RAD51B: variants seen among roughly 807,000 people sequenced by gnomAD.
RAD51B encodes DNA repair protein RAD51 homolog 2.
A neutral mutation model predicts 42.2 loss-of-function variants in RAD51B; 38 were observed. That is an observed-to-expected ratio of 0.90 (90% CI 0.70 to 1.18). RAD51B has a LOEUF of 1.18. Among genes scored for constraint, RAD51B ranks in the 50% most tolerant of loss-of-function variants. The pLI, the probability that RAD51B is intolerant of heterozygous loss-of-function variation, is 0.00. For synonymous variants in RAD51B, 154 were observed against 145.2 expected (o/e 1.06, Z -0.43); for missense variants, 373 against 400.7 (o/e 0.93, Z 0.59).
chr14:67,881,666 C>G (rs2042911327), intron 5 of RAD51B, among the ~76,000 whole-genome samples: 1 of 152,068 alleles, frequency 6.6e-6, no homozygotes, highest in Non-Finnish European at 1.5e-5. Context: ...ATTGTAAGCT[C>G]ATTGTGTTTG....
At chr14:68,582,190 G>A (rs1890237767) in intron 10 of RAD51B, among the ~76,000 whole-genome samples, 1 of 152,168 alleles carries the variant, frequency 6.6e-6, no homozygotes, top group African/African-American at 2.4e-5. Flanking sequence ...CTTCTGCACA[G>A]CAAAAGAAAC....
rs397852024 is a variant in RAD51B, at chr14:68,632,968, CTTTTTTTTTTTTTTTTT to C, written c.1037-17798_1037-17782del. On this transcript the variant is annotated intron_variant, in intron 10 of 11. Coordinates refer to the RAD51B transcript ENST00000488612. ...TTTTTTCTTTTTTCTTTTTCTTTTT[CTTTTTTTTTTTTTTTTT>C]TTTTTTTTTTTTTTGGAGAGAGGGG... is the stretch of plus-strand genomic sequence containing the variant. Among the ~76,000 whole-genome samples, 168 of 59,438 alleles carry C rather than the reference CTTTTTTTTTTTTTTTTT, an allele frequency of 2.8e-3. 1 individual carries two copies. Among genetic ancestry groups the C allele is most frequent in the African/African-American group, 0.012 (159 of 13,774 alleles). 39.0% of individuals were successfully genotyped at this position (59,438 alleles called of 152,430 possible). A position where few individuals can be genotyped will look rare whatever the true frequency, so the allele number is the denominator to read the frequency against.
At chr14:67,934,663 T>C (rs992769472) in intron 7 of RAD51B, among the ~76,000 whole-genome samples, 2 of 152,228 alleles carry the variant, frequency 1.3e-5, no homozygotes, top group African/African-American at 2.4e-5. Context: ...TTTATTTGTT[T>C]CGTATTCTCT....
chr14:68,564,604 C>G (rs1294809774), intron 10 of RAD51B, among the ~76,000 whole-genome samples: 1 of 152,200 alleles, frequency 6.6e-6, no homozygotes, highest in Non-Finnish European at 1.5e-5. Context: ...GACCAGCACC[C>G]ATAGCCTTAA....
chr14:68,624,289 T>A (rs1359912618), intron 10 of RAD51B, among the ~76,000 whole-genome samples: 1 of 152,170 alleles, frequency 6.6e-6, no homozygotes, highest in East Asian at 1.9e-4. Context: ...AACTCATACT[T>A]AGGGGCAAGG....
intron 7 of RAD51B, among the ~76,000 whole-genome samples, chr14:68,004,332 CAAAAAAAAAAA>C (rs767211363): frequency 1.7e-5 from 1 of 57,488 alleles, no homozygotes; most frequent in Non-Finnish European, 4.2e-5. Context: ...GACTCCGTCT[CAAAAAAAAAAA>C]AAAAAAAAAA....
intron 7 of RAD51B, among the ~76,000 whole-genome samples, chr14:68,197,641 A>G (rs922144145): frequency 1.3e-5 from 2 of 152,176 alleles, no homozygotes; most frequent in African/African-American, 2.4e-5. Context: ...TTTGTTCTAC[A>G]GTTTCACTAA....
chr14:68,518,557 C>CA (rs1253804906), intron 10 of RAD51B, among the ~76,000 whole-genome samples: 1 of 148,878 alleles, frequency 6.7e-6, no homozygotes, highest in Non-Finnish European at 1.5e-5. Context: ...CATATGAGCC[C>CA]CCCCCCCAGG....
At chr14:68,579,259 T>A (rs1890105478) in intron 10 of RAD51B, among the ~76,000 whole-genome samples, 1 of 152,122 alleles carries the variant, frequency 6.6e-6, no homozygotes, top group Non-Finnish European at 1.5e-5. Flanking sequence ...ACCAAACTCC[T>A]CTCTCCCTCC....
At chr14:67,992,755 G>GT (rs142718110) in intron 7 of RAD51B, among the ~76,000 whole-genome samples, 36,295 of 149,156 alleles carry the variant, frequency 0.24, 5,092 homozygotes, top group African/African-American at 0.39. Flanking sequence ...AAGGAAAAAT[G>GT]TTTTTTTTTT....
chr14:68,471,295 T>A (rs1193728041), intron 10 of RAD51B, among the ~76,000 whole-genome samples: 3 of 152,014 alleles, frequency 2.0e-5, no homozygotes, highest in Admixed American at 1.3e-4. Flanking sequence ...CAGCTACCCG[T>A]GGGGGTAGGG....
At chr14:68,491,403 T>G (rs567146019) in intron 10 of RAD51B, among the ~76,000 whole-genome samples, 1 of 152,344 alleles carries the variant, frequency 6.6e-6, no homozygotes, top group East Asian at 1.9e-4. Flanking sequence ...ATAACTAGAA[T>G]GTAATAAGAT....
intron 8 of RAD51B, among the ~76,000 whole-genome samples, chr14:68,344,996 T>TCAAA (rs994969568): frequency 6.6e-6 from 1 of 152,052 alleles, no homozygotes; most frequent in Non-Finnish European, 1.5e-5. Context: ...CTTCTGGGTT[T>TCAAA]CAGACCTGCA....
At position 68,276,280 on chromosome 14, in the gene RAD51B, G is replaced by A. The variant is rs181244692; in HGVS notation, c.757-15604G>A. Among the ~76,000 whole-genome samples the A allele has an allele frequency of 3.0e-4, 45 of 152,130 alleles. No homozygotes were observed. The East Asian group carries it at 8.3e-3, about 28-fold the overall frequency. On this transcript the variant is annotated intron_variant, in intron 7 of 10. Coordinates refer to ENST00000471583, the MANE Select transcript of RAD51B (RefSeq NM_133510.4). ...GTCCAAATTGGGCCCTTCCTTCAAG[G>A]CCCAGATCAAATGACTCCTCCCCTG...
intron 11 of RAD51B, among the ~76,000 whole-genome samples, chr14:68,679,286 CA>C (rs1304239818): frequency 4.0e-5 from 6 of 151,816 alleles, no homozygotes; most frequent in African/African-American, 1.5e-4. Flanking sequence ...AACAAACAAA[CA>C]AAAAACCCCA....
intron 7 of RAD51B, among the ~76,000 whole-genome samples, chr14:68,058,114 A>G (rs982552272): frequency 6.6e-6 from 1 of 152,150 alleles, no homozygotes; most frequent in Non-Finnish European, 1.5e-5. Flanking sequence ...AAAATTGAGT[A>G]TATGATACTC....
intron 11 of RAD51B, among the ~76,000 whole-genome samples, chr14:68,658,222 C>T (rs1279531002): frequency 6.6e-6 from 1 of 152,242 alleles, no homozygotes; most frequent in East Asian, 1.9e-4. Flanking sequence ...CGTCCCTGGC[C>T]TTGCTCTGTG....
intron 7 of RAD51B, among the ~76,000 whole-genome samples, chr14:68,116,486 A>C (rs2077550846): frequency 6.6e-6 from 1 of 152,204 alleles, no homozygotes; most frequent in Non-Finnish European, 1.5e-5. Context: ...AATTACTCAA[A>C]TCTTGCTCAG....
chr14:67,956,161 G>A (rs2074542479), intron 7 of RAD51B, among the ~76,000 whole-genome samples: 1 of 152,172 alleles, frequency 6.6e-6, no homozygotes, highest in Admixed American at 6.5e-5. Context: ...AATTTTAAGA[G>A]TCAGTATTCC....
Sources: allele counts gnomAD v4.1 joint callset (sites outside exome capture counted in the v4.1 genomes callset), GRCh38; gene constraint gnomAD v4.1.1; transcripts MANE v1.5; gene names NCBI Gene and HGNC (gene_info 2026-07-23, HGNC 2026-07-21).